NKAIN3: variants seen among roughly 807,000 people sequenced by gnomAD.
The protein encoded by NKAIN3 is sodium/potassium transporting ATPase interacting 3.
NKAIN3 carries 25 observed loss-of-function variants against 30.2 expected under a neutral mutation model. The ratio of observed to expected loss-of-function variants is 0.83; its 90% CI spans 0.60 to 1.16. The LOEUF (loss-of-function observed/expected upper bound fraction) is 1.16. Ranked by LOEUF, NKAIN3 falls within the 50% of genes most tolerant of loss-of-function variation. The pLI is 0.00. For missense variants in NKAIN3, 225 were observed against 254.1 expected (o/e 0.89, Z 0.78); for synonymous variants, 91 against 89.6 (o/e 1.02, Z -0.09).
chr8:62,856,063 A>T, intron 4 of NKAIN3: 1 of 697,624 alleles, frequency 1.4e-6, no homozygotes, highest in South Asian at 1.6e-5. Context: ...AAGGGCTTAC[A>T]CCCCATGAGC....
intron 4 of NKAIN3, among the ~76,000 whole-genome samples, chr8:62,867,541 G>A (rs916062055): frequency 6.6e-6 from 1 of 152,188 alleles, no homozygotes; most frequent in Admixed American, 6.5e-5. Context: ...ATTGACCAAT[G>A]TCTGTCATAG....
chr8:62,385,429 A>G (rs1459278728), intron 1 of NKAIN3, among the ~76,000 whole-genome samples: 1 of 152,204 alleles, frequency 6.6e-6, no homozygotes, highest in Admixed American at 6.5e-5. Context: ...TAAAATGCAG[A>G]TCCAGTATTT....
chr8:62,464,731 G>GT (rs956223164), intron 1 of NKAIN3, among the ~76,000 whole-genome samples: 6 of 152,222 alleles, frequency 3.9e-5, no homozygotes, highest in African/African-American at 1.4e-4. Flanking sequence ...GAACTTTCCA[G>GT]TTTTTTAGTC....
chr8:62,393,303 GT>G (rs932950476), intron 1 of NKAIN3, among the ~76,000 whole-genome samples: 2 of 151,634 alleles, frequency 1.3e-5, no homozygotes, highest in South Asian at 2.1e-4. Context: ...AAGGGTCAAA[GT>G]TTTTTTTCTA....
At chr8:62,469,991 C>T (rs1159633440) in intron 1 of NKAIN3, among the ~76,000 whole-genome samples, 1 of 152,186 alleles carries the variant, frequency 6.6e-6, no homozygotes, top group Admixed American at 6.5e-5. Flanking sequence ...TGCTTTGCAG[C>T]TCTCCCAATT....
rs753112839 is a variant in NKAIN3, at chr8:62,735,366, CTTTCTTTCTTTCTTTTT to C, written c.274-11562_274-11546del. On this transcript the variant is annotated intron_variant, in intron 3 of 6. Transcript: ENST00000623646. ...AAAACCTTTCTTTCTTTCTTTCTTT[CTTTCTTTCTTTCTTTTT>C]TTTTTTTTTTTGAGCTCTGAAGTTC... Among the ~76,000 whole-genome samples the C allele has an allele frequency of 1.2e-3, 162 of 132,532 alleles. 2 individuals are homozygous for C. Among genetic ancestry groups the C allele is most frequent in the Middle Eastern group, 3.6e-3 (1 of 274 alleles). 86.9% of individuals were successfully genotyped at this position (132,532 alleles called of 152,430 possible).
chr8:62,915,266 A>C (rs1315754948), intron 4 of NKAIN3, among the ~76,000 whole-genome samples: 1 of 152,228 alleles, frequency 6.6e-6, no homozygotes. Context: ...TAAAGGTTGC[A>C]GATAAAATTG....
At chr8:62,896,903 T>C (rs1055044003) in intron 4 of NKAIN3, among the ~76,000 whole-genome samples, 2 of 152,162 alleles carry the variant, frequency 1.3e-5, no homozygotes, top group African/African-American at 4.8e-5. Flanking sequence ...TGCAATGAAT[T>C]AAGCAAGGAA....
At chr8:62,727,190 G>A (rs1014219696) in intron 3 of NKAIN3, among the ~76,000 whole-genome samples, 4 of 151,960 alleles carry the variant, frequency 2.6e-5, no homozygotes, top group African/African-American at 9.7e-5. Context: ...AGGAATAGAG[G>A]GGGACTTCCT....
chr8:62,745,540 G>A (rs1390251713), intron 3 of NKAIN3, among the ~76,000 whole-genome samples: 1 of 152,130 alleles, frequency 6.6e-6, no homozygotes, highest in African/African-American at 2.4e-5. Flanking sequence ...TGGATTATTT[G>A]GAAGTCAAGG....
At chr8:62,505,771 T>C (rs1262988487) in intron 1 of NKAIN3, among the ~76,000 whole-genome samples, 2 of 152,120 alleles carry the variant, frequency 1.3e-5, no homozygotes, top group Admixed American at 6.6e-5. Flanking sequence ...TGTATTAGTT[T>C]CCCATTGCTG....
intron 4 of NKAIN3, among the ~76,000 whole-genome samples, chr8:62,750,522 T>A (rs1816241769): frequency 6.6e-6 from 1 of 152,070 alleles, no homozygotes; most frequent in African/African-American, 2.4e-5. Context: ...GCATCCCCAC[T>A]CTCCACCGCC....
intron 4 of NKAIN3, among the ~76,000 whole-genome samples, chr8:62,747,681 G>T (rs1816128378): frequency 6.6e-6 from 1 of 152,182 alleles, no homozygotes; most frequent in African/African-American, 2.4e-5. Flanking sequence ...ATGTGCCAGG[G>T]ATTCCTTAAA....
chr8:62,410,241 A>G (rs749434857), intron 1 of NKAIN3, among the ~76,000 whole-genome samples: 2 of 152,224 alleles, frequency 1.3e-5, no homozygotes, highest in Non-Finnish European at 2.9e-5. Context: ...GACCCTGGTT[A>G]GGATAATGGC....
intron 1 of NKAIN3, among the ~76,000 whole-genome samples, chr8:62,324,872 T>C (rs1006275678): frequency 1.3e-5 from 2 of 152,112 alleles, no homozygotes; most frequent in African/African-American, 4.8e-5. Context: ...GGCTGCAAGC[T>C]TGAAAATCTT....
intron 1 of NKAIN3, among the ~76,000 whole-genome samples, chr8:62,310,324 G>A (rs1433869924): frequency 6.6e-6 from 1 of 150,492 alleles, no homozygotes. Context: ...GAAACACTGG[G>A]AAGGATCTTT....
At chr8:62,671,128 A>T (rs964595153) in intron 3 of NKAIN3, among the ~76,000 whole-genome samples, 4 of 152,098 alleles carry the variant, frequency 2.6e-5, no homozygotes, top group East Asian at 3.9e-4. Context: ...TCATTCTCAC[A>T]TATTTGAAAC....
At chr8:62,278,439 T>A (rs1813041547) in intron 1 of NKAIN3, among the ~76,000 whole-genome samples, 1 of 152,072 alleles carries the variant, frequency 6.6e-6, no homozygotes, top group Admixed American at 6.6e-5. Flanking sequence ...GCAGGTTTGT[T>A]ACATATGTAT....
intron 1 of NKAIN3, among the ~76,000 whole-genome samples, chr8:62,541,403 C>T (rs1808835246): frequency 6.6e-6 from 1 of 152,120 alleles, no homozygotes; most frequent in Non-Finnish European, 1.5e-5. Flanking sequence ...ACCTGTAGAA[C>T]ATCTCCTTCC....
Sources: allele counts gnomAD v4.1 joint callset (sites outside exome capture counted in the v4.1 genomes callset), GRCh38; gene constraint gnomAD v4.1.1; transcripts MANE v1.5; gene names NCBI Gene and HGNC (gene_info 2026-07-23, HGNC 2026-07-21).